The following SPAG16 variants were observed in gnomAD, a reference collection of about 807,000 sequenced individuals.
The protein encoded by SPAG16 is sperm-associated antigen 16 protein.
A neutral mutation model predicts 80.4 loss-of-function variants in SPAG16; 86 were observed. That is an observed-to-expected ratio of 1.07 (90% CI 0.90 to 1.28). SPAG16 has a LOEUF of 1.28. Among genes scored for constraint, SPAG16 ranks in the 50% most tolerant of loss-of-function variants. The pLI, the probability that SPAG16 is intolerant of heterozygous loss-of-function variation, is 0.00. For synonymous variants in SPAG16, 294 were observed against 265.9 expected (o/e 1.11, Z -1.03); for missense variants, 870 against 765.3 (o/e 1.14, Z -1.61).
intron 15 of SPAG16, among the ~76,000 whole-genome samples, chr2:214,255,817 T>C (rs13003824): frequency 0.63 from 95,514 of 151,752 alleles, 30,374 homozygotes; most frequent in South Asian, 0.71. Context: ...TATTTCTGAG[T>C]AGTATTCTAT....
intron 15 of SPAG16, among the ~76,000 whole-genome samples, chr2:214,160,063 A>T (rs1021677768): frequency 1.3e-5 from 2 of 151,984 alleles, no homozygotes; most frequent in Non-Finnish European, 1.5e-5. Context: ...AACAATAGAC[A>T]TGAATTTGCA....
chr2:214,162,110 T>C (rs1387714562), intron 15 of SPAG16, among the ~76,000 whole-genome samples: 25 of 152,128 alleles, frequency 1.6e-4, no homozygotes, highest in African/African-American at 9.6e-5. Context: ...TCCTGACTTA[T>C]AGAAGCATTT....
At chr2:214,236,514 T>C (rs1689087980) in intron 15 of SPAG16, among the ~76,000 whole-genome samples, 1 of 151,858 alleles carries the variant, frequency 6.6e-6, no homozygotes, top group African/African-American at 2.4e-5. Context: ...TAGCCGGGCA[T>C]GGGGGCGGGC....
At chr2:213,432,936 C>A (rs2371965) in intron 9 of SPAG16, among the ~76,000 whole-genome samples, 14,850 of 152,074 alleles carry the variant, frequency 0.098, 1,897 homozygotes, top group African/African-American at 0.29. Context: ...CCAGGGATAC[C>A]AGGATTGTTC....
rs148295032 is a variant in SPAG16, at chr2:213,702,987, A to G, written c.1071-159498A>G. ...ATGTGGGAGGATTATACCTGCCCAC[A>G]ATGTGAAACTCAGGTGTGCTCATGT... On this transcript the variant is annotated intron_variant, in intron 10 of 15. Transcript: ENST00000331683. Among the ~76,000 whole-genome samples, 4 of 152,308 alleles carry G rather than the reference A, an allele frequency of 2.6e-5. No homozygotes were observed. In the East Asian group the frequency reaches 7.7e-4, roughly 29 times the overall value.
At chr2:213,419,661 G>C (rs2069473973) in intron 9 of SPAG16, among the ~76,000 whole-genome samples, 1 of 152,064 alleles carries the variant, frequency 6.6e-6, no homozygotes, top group Middle Eastern at 3.2e-3. Flanking sequence ...TGCATTAAAA[G>C]CATGTGCTAC....
intron 10 of SPAG16, among the ~76,000 whole-genome samples, chr2:213,516,885 T>C (rs540597921): frequency 6.6e-6 from 1 of 152,322 alleles, no homozygotes; most frequent in Admixed American, 6.5e-5. Context: ...TAATTGATTT[T>C]CATATTAATG....
chr2:213,416,546 G>GTTTT lies in SPAG16; in HGVS notation c.942+41430_942+41433dup, dbSNP rs1480038020. Among the ~76,000 whole-genome samples the GTTTT allele has an allele frequency of 3.7e-3, 381 of 103,364 alleles. 2 individuals carry two copies. Among genetic ancestry groups the GTTTT allele is most frequent in the African/African-American group, 9.4e-3 (358 of 38,222 alleles). 67.8% of individuals were successfully genotyped at this position (103,364 alleles called of 152,430 possible). On this transcript the variant is annotated intron_variant, in intron 9 of 15. Coordinates refer to ENST00000331683, the MANE Select transcript of SPAG16 (RefSeq NM_024532.5). ...TGTTTTAGGCAGCATTACTTGACTT[G>GTTTT]TTTTTTCTTTTTTTGTTACACCACA...
intron 15 of SPAG16, among the ~76,000 whole-genome samples, chr2:214,186,642 A>C (rs1308894592): frequency 6.6e-6 from 1 of 152,154 alleles, no homozygotes; most frequent in Admixed American, 6.5e-5. Context: ...GAAGGAATAG[A>C]TGGAGGTAAT....
intron 15 of SPAG16, among the ~76,000 whole-genome samples, chr2:214,209,592 G>A (rs917215326): frequency 2.0e-5 from 3 of 152,188 alleles, no homozygotes; most frequent in Non-Finnish European, 4.4e-5. Flanking sequence ...GAAGTAATAC[G>A]TCTTTGCAGC....
intron 11 of SPAG16, among the ~76,000 whole-genome samples, chr2:213,923,388 G>T (rs1438808704): frequency 6.6e-6 from 1 of 152,094 alleles, no homozygotes; most frequent in East Asian, 1.9e-4. Context: ...ACAGAAAGCT[G>T]CCCCCTCTAG....
At chr2:214,089,998 C>T (rs1241678793) in intron 13 of SPAG16, among the ~76,000 whole-genome samples, 1 of 152,030 alleles carries the variant, frequency 6.6e-6, no homozygotes, top group African/African-American at 2.4e-5. Context: ...CATTCTAATA[C>T]ACTGTTTACA....
At chr2:213,907,178 A>G (rs1242637783) in intron 11 of SPAG16, among the ~76,000 whole-genome samples, 2 of 152,178 alleles carry the variant, frequency 1.3e-5, no homozygotes, top group Non-Finnish European at 2.9e-5. Flanking sequence ...AACAACGGCA[A>G]TGACAAAACC....
At chr2:213,906,602 T>C (rs1209416366) in intron 11 of SPAG16, among the ~76,000 whole-genome samples, 2 of 152,146 alleles carry the variant, frequency 1.3e-5, no homozygotes, top group Non-Finnish European at 1.5e-5. Context: ...TCATACTACC[T>C]GACTGCAAAA....
At chr2:214,382,175 T>G (rs1037710731) in intron 15 of SPAG16, among the ~76,000 whole-genome samples, 1 of 152,236 alleles carries the variant, frequency 6.6e-6, no homozygotes, top group Non-Finnish European at 1.5e-5. Flanking sequence ...ACGTGAATGA[T>G]GCCAATGACC....
intron 10 of SPAG16, among the ~76,000 whole-genome samples, chr2:213,828,575 CT>C (rs1392795541): frequency 6.6e-6 from 1 of 152,118 alleles, no homozygotes; most frequent in Non-Finnish European, 1.5e-5. Flanking sequence ...TGTCCTGATG[CT>C]TGTGGATATA....
intron 10 of SPAG16, among the ~76,000 whole-genome samples, chr2:213,789,976 C>G (rs943705036): frequency 2.0e-5 from 3 of 151,674 alleles, no homozygotes; most frequent in African/African-American, 7.3e-5. Context: ...CTTTCTTAAC[C>G]ACTTATATTA....
At chr2:213,916,625 GA>G (rs1450533078) in intron 11 of SPAG16, among the ~76,000 whole-genome samples, 2 of 152,070 alleles carry the variant, frequency 1.3e-5, no homozygotes, top group African/African-American at 4.8e-5. Context: ...AACAGCACAA[GA>G]AAAACCTGCA....
rs190110494 is a variant in SPAG16, at chr2:213,667,821, A to G, written c.1070+177731A>G. Among the ~76,000 whole-genome samples, 14 of 152,276 alleles carry G rather than the reference A, an allele frequency of 9.2e-5. No individual in the cohort carries two copies. The East Asian group carries it at 1.7e-3, about 19-fold the overall frequency. On this transcript the variant is annotated intron_variant, in intron 10 of 15. Transcript: ENST00000331683. ...GGTCACTGGACATTGCCCTTTTTCT[A>G]TTTTTACAAATGCTTTCTTTAGTTT...
Sources: allele counts gnomAD v4.1 joint callset (sites outside exome capture counted in the v4.1 genomes callset), GRCh38; gene constraint gnomAD v4.1.1; transcripts MANE v1.5; gene names NCBI Gene and HGNC (gene_info 2026-07-23, HGNC 2026-07-21).